LARGE1: variants seen among roughly 807,000 people sequenced by gnomAD.
The protein encoded by LARGE1 is xylosyl- and glucuronyltransferase LARGE1.
LARGE1 carries 43 observed loss-of-function variants against 87.6 expected under a neutral mutation model. The ratio of observed to expected loss-of-function variants is 0.49; its 90% CI spans 0.38 to 0.63. LARGE1 has a LOEUF of 0.63. LARGE1 is among the 30% of genes least tolerant of loss of function. The pLI is 0.00. For missense variants in LARGE1, 802 were observed against 1,000.2 expected (o/e 0.80, Z 2.67); for synonymous variants, 434 against 394.6 (o/e 1.10, Z -1.18).
chr22:33,856,483 A>G (rs2063758782), intron 1 of LARGE1, among the ~76,000 whole-genome samples: 1 of 152,182 alleles, frequency 6.6e-6, no homozygotes, highest in South Asian at 2.1e-4. Flanking sequence ...GGGAAATCCC[A>G]CCAGAACTGG....
Position 33,549,198 on chromosome 22 carries a change from C to T in LARGE1, c.787+15650G>A, listed in dbSNP as rs1252511206. 2.6e-5 allele frequency among the ~76,000 whole-genome samples: 4 copies of T among 152,278 alleles called. No individual in the cohort carries two copies. In the East Asian group the frequency reaches 5.8e-4, roughly 22 times the overall value. ...GCTGCATCCTTCCACATGGGCAAGC[C>T]CAGTGCATGGTGCAGAGAAGAGACC... On this transcript the variant is annotated intron_variant, in intron 6 of 14. Coordinates refer to ENST00000397394, the MANE Select transcript of LARGE1 (RefSeq NM_133642.5).
intron 6 of LARGE1, among the ~76,000 whole-genome samples, chr22:33,442,818 A>T (rs2147837868): frequency 7.2e-6 from 1 of 138,348 alleles, no homozygotes; most frequent in Admixed American, 7.4e-5. Flanking sequence ...TTTGAGATGG[A>T]GTCTCGCTCT....
intron 1 of LARGE1, among the ~76,000 whole-genome samples, chr22:33,785,167 A>G (rs908207200): frequency 6.7e-6 from 1 of 150,096 alleles, no homozygotes; most frequent in Non-Finnish European, 1.5e-5. Context: ...ATATATGTGT[A>G]TACATACATA....
chr22:33,328,489 G>C (rs1438613541), intron 10 of LARGE1, among the ~76,000 whole-genome samples: 6 of 152,030 alleles, frequency 3.9e-5, no homozygotes, highest in African/African-American at 1.4e-4. Context: ...CTGAGGCAGA[G>C]AATTGCTTGA....
chr22:33,759,224 T>A (rs2084631737), intron 2 of LARGE1, among the ~76,000 whole-genome samples: 1 of 152,316 alleles, frequency 6.6e-6, no homozygotes, highest in East Asian at 1.9e-4. Flanking sequence ...AATTCCCTTT[T>A]CACCAAAAAT....
At chr22:33,854,764 A>AT (rs1201621946) in intron 1 of LARGE1, among the ~76,000 whole-genome samples, 2 of 152,252 alleles carry the variant, frequency 1.3e-5, no homozygotes, top group Middle Eastern at 3.4e-3. Context: ...TGCAGTTGTG[A>AT]TTTATAAAGC....
chr22:33,617,464 G>A (rs1304777019), intron 4 of LARGE1, among the ~76,000 whole-genome samples: 1 of 152,170 alleles, frequency 6.6e-6, no homozygotes, highest in Non-Finnish European at 1.5e-5. Context: ...TTCGCCAACT[G>A]CAGATAATAA....
intron 7 of LARGE1, among the ~76,000 whole-genome samples, chr22:33,420,755 C>G (rs754260024): frequency 9.9e-5 from 15 of 152,188 alleles, no homozygotes; most frequent in Non-Finnish European, 1.5e-4. Flanking sequence ...TAATTTCTGT[C>G]CAACAAATGA....
At chr22:33,326,966 G>C (rs891430058) in intron 10 of LARGE1, among the ~76,000 whole-genome samples, 1 of 152,162 alleles carries the variant, frequency 6.6e-6, no homozygotes, top group African/African-American at 2.4e-5. Context: ...GTCCTTTGGA[G>C]ACTGGCCTTG....
chr22:33,171,719 T>G (rs1201193478), intron 11 of LARGE1, among the ~76,000 whole-genome samples: 1 of 152,112 alleles, frequency 6.6e-6, no homozygotes, highest in East Asian at 1.9e-4. Flanking sequence ...CCACCTAGAT[T>G]TCAGAGGATG....
At chr22:33,687,708 A>T (rs536697714) in intron 2 of LARGE1, among the ~76,000 whole-genome samples, 3 of 152,104 alleles carry the variant, frequency 2.0e-5, no homozygotes, top group East Asian at 1.9e-4. Flanking sequence ...GGGGAAGAGG[A>T]GCGCTCGGGA....
At chr22:33,500,945 G>C (rs1472461287) in intron 6 of LARGE1, among the ~76,000 whole-genome samples, 1 of 152,178 alleles carries the variant, frequency 6.6e-6, no homozygotes, top group Non-Finnish European at 1.5e-5. Flanking sequence ...TAGCTCAGGG[G>C]AGAGGGACAA....
At chr22:33,535,218 C>T (rs1299551658) in intron 6 of LARGE1, among the ~76,000 whole-genome samples, 6 of 152,130 alleles carry the variant, frequency 3.9e-5, no homozygotes, top group Admixed American at 6.6e-5. Flanking sequence ...TGCGTGTGTC[C>T]GGAGCCACGC....
intron 7 of LARGE1, among the ~76,000 whole-genome samples, chr22:33,391,217 A>T (rs1249581174): frequency 5.3e-5 from 8 of 152,080 alleles, no homozygotes; most frequent in African/African-American, 1.9e-4. Context: ...TCATTTCAAA[A>T]TTTTTTTATT....
At chr22:33,438,638 T>G (rs2067358636) in intron 6 of LARGE1, among the ~76,000 whole-genome samples, 1 of 150,436 alleles carries the variant, frequency 6.6e-6, no homozygotes, top group African/African-American at 2.5e-5. Flanking sequence ...CTCCTGCTGC[T>G]CGGGAGGTGA....
At chr22:33,333,240 G>T (rs972918643) in intron 10 of LARGE1, among the ~76,000 whole-genome samples, 10 of 151,952 alleles carry the variant, frequency 6.6e-5, no homozygotes, top group Non-Finnish European at 1.5e-5. Context: ...GGATGGTCTC[G>T]ATCTCCTGAC....
At chr22:33,428,316 GTCTTT>G (rs1320349708) in intron 7 of LARGE1, among the ~76,000 whole-genome samples, 1 of 120,604 alleles carries the variant, frequency 8.3e-6, no homozygotes, top group African/African-American at 3.4e-5. Context: ...GGTTTGTTAT[GTCTTT>G]TTTTTTTTTT....
chr22:33,412,936 C>T (rs754158135), intron 7 of LARGE1, among the ~76,000 whole-genome samples: 1 of 152,218 alleles, frequency 6.6e-6, no homozygotes, highest in Non-Finnish European at 1.5e-5. Context: ...GCTGGGATTA[C>T]AGGCGTGAGC....
intron 1 of LARGE1, among the ~76,000 whole-genome samples, chr22:33,772,502 G>T (rs915649564): frequency 1.3e-5 from 2 of 151,870 alleles, no homozygotes; most frequent in Non-Finnish European, 1.5e-5. Context: ...ATGCCTCAGG[G>T]TCTTTGCAAG....
Sources: allele counts gnomAD v4.1 joint callset (sites outside exome capture counted in the v4.1 genomes callset), GRCh38; gene constraint gnomAD v4.1.1; transcripts MANE v1.5; gene names NCBI Gene and HGNC (gene_info 2026-07-23, HGNC 2026-07-21).